The following DNAH1 variants were observed in gnomAD, a reference collection of about 807,000 sequenced individuals.
The protein encoded by DNAH1 is dynein axonemal heavy chain 1.
DNAH1 carries 327 observed loss-of-function variants against 484.3 expected under a neutral mutation model. That is an observed-to-expected ratio of 0.68 (90% CI 0.62 to 0.74). The LOEUF is 0.74. DNAH1 is among the 30% of genes least tolerant of loss of function. DNAH1 has a pLI of 0.00. For synonymous variants in DNAH1, 2,192 were observed against 2,191.9 expected, an observed-to-expected ratio of 1.00 and a Z score of 0.00; for missense variants, 5,052 against 5,546.8, an observed-to-expected ratio of 0.91 and a Z score of 2.83.
intron 6 of DNAH1, 31 bp downstream of exon 6, chr3:52,328,045 T>C (rs746504728): frequency 1.2e-6 from 2 of 1,603,756 alleles, no homozygotes; most frequent in South Asian, 1.1e-5. Flanking sequence ...GTGGGGACAC[T>C]ATCTCATTCC....
chr3:52,371,522 G>A (rs539968513), intron 41 of DNAH1, among the ~76,000 whole-genome samples: 1 of 152,228 alleles, frequency 6.6e-6, no homozygotes, highest in East Asian at 1.9e-4. Context: ...GGACCTAGTG[G>A]CCTCTCAGCT....
rs181301872 is a variant in DNAH1, at chr3:52,321,400, G to A, written c.-34-1009G>A. 7.2e-5 allele frequency among the ~76,000 whole-genome samples: 11 copies of A among 152,320 alleles called. No individual in the cohort carries two copies. In the East Asian group the frequency reaches 9.6e-4, roughly 13 times the overall value. ...CAAAGTGCTGGGATTATAGGAGTGA[G>A]CCACCGCCCCGGCCTCTTTTTTTCT... On this transcript the variant is annotated intron_variant, in intron 1 of 77. Coordinates refer to ENST00000420323, the MANE Select transcript of DNAH1 (RefSeq NM_015512.5).
intron 56 of DNAH1, among the ~76,000 whole-genome samples, 182 bp from the exon 57 acceptor site, chr3:52,387,985 A>G (rs1704182345): frequency 6.6e-6 from 1 of 152,204 alleles, no homozygotes; most frequent in East Asian, 1.9e-4. Flanking sequence ...CCTGGGGACC[A>G]AAGATTACCT....
chr3:52,385,759 T>C (rs767823591), intron 54 of DNAH1, among the ~76,000 whole-genome samples: 5 of 152,220 alleles, frequency 3.3e-5, no homozygotes, highest in Non-Finnish European at 5.9e-5. Context: ...ATGGCAGACC[T>C]TGCAGTTTGT....
In DNAH1 at chr3:52,397,159, GTCTTT is replaced by G; in HGVS notation, c.11787+118_11787+122del. On this transcript the variant is annotated intron_variant, in intron 73 of 77. Coordinates refer to ENST00000420323, the MANE Select transcript of DNAH1 (RefSeq NM_015512.5). The stretch of plus-strand genomic sequence containing the variant: ...ATGCAGCCCCCACCCTCCATCAGCT[GTCTTT>G]TCATCAGTCAATCCATCCCATCCCA... 9 of 1,006,466 alleles carry G rather than the reference GTCTTT, an allele frequency of 8.9e-6. No individual in the cohort carries two copies. The South Asian group carries it at 1.5e-4, about 17-fold the overall frequency. The allele number at this position is 1,006,466 out of a possible 1,614,324, so 62.3% of individuals were successfully genotyped here. A position where few individuals can be genotyped will look rare whatever the true frequency, so the allele number is the denominator to read the frequency against.
rs775268327 is a variant in DNAH1 at position 52,364,613 on chromosome 3, C to T, written c.5245-25C>T. 4 of 1,613,080 alleles carry T rather than the reference C, an allele frequency of 2.5e-6. No individual in the cohort carries two copies. The highest frequency in any genetic ancestry group is 3.4e-6 in the Non-Finnish European group (4 of 1,179,170). ...GCCTTGGAGAGGGACAGTGCTCACC[C>T]ATGCCTCCTTCTGTATGGCGACAGG... On this transcript the variant is annotated intron_variant, in intron 32 of 77. Transcript: ENST00000420323. The surrounding 1 kb of genome is among the most constrained non-coding windows in gnomAD (Gnocchi z 4.2).
chr3:52,397,914 C>A (rs372157391), intron 74 of DNAH1, 37 bp downstream of exon 74: 4 of 1,577,008 alleles, frequency 2.5e-6, no homozygotes, highest in South Asian at 1.2e-5. Context: ...AAGGGCTGGA[C>A]GGGCTGGGCT....
Position 52,388,194 on chromosome 3 carries a change from G to A in DNAH1, c.9031G>A (p.Ala3011Thr). The A allele has an allele frequency of 5.0e-6, 8 of 1,609,728 alleles. No homozygotes were observed. The highest frequency in any genetic ancestry group is 4.2e-6 in the Non-Finnish European group (5 of 1,178,204). ...KDNIGDVVIK[A>T]IQPYIDNEEF... ...CAACATTGGGGATGTGGTGATCAAA[G>A]CCATCCAGCCGTACATCGATAATGA... is the stretch of plus-strand genomic sequence containing the variant. Residue 3011 changes from alanine (A) to threonine (T), a missense_variant, in exon 57 of 78, where the codon GCC becomes ACC. Ala to Thr is a moderately conservative substitution (Grantham distance 58). Transcript: ENST00000420323.
In DNAH1 at chr3:52,365,005, T is replaced by C; in HGVS notation, c.5504T>C (p.Leu1835Pro). Residue 1835 changes from leucine to proline, a missense_variant, in exon 34 of 78, where the codon CTC becomes CCC. Leu to Pro is a moderately conservative substitution (Grantham distance 98). Around this residue, in one of 4 missense-constraint regions of DNAH1, gnomAD observed 2,929 missense variants for 3,409.4 expected, o/e 0.86. Coordinates refer to ENST00000420323, the MANE Select transcript of DNAH1 (RefSeq NM_015512.5). ...AIREACRNSNLKDVEGFLTKC... is the reference protein window; with the variant it reads ...AIREACRNSNPKDVEGFLTKC... ...CGCGAGGCCTGCAGGAACAGCAACC[T>C]CAAGGATGTGGAGGGTGAGCCTCGG... 1 of 1,611,424 alleles carries C rather than the reference T, an allele frequency of 6.2e-7. No individual in the cohort carries two copies. Among genetic ancestry groups the C allele is most frequent in the Non-Finnish European group, 8.5e-7 (1 of 1,178,010 alleles).
Position 52,361,365 on chromosome 3 carries a change from A to G in DNAH1, c.4874+13A>G, listed in dbSNP as rs1277485162. 3 of 1,560,506 alleles carry G rather than the reference A, an allele frequency of 1.9e-6. No homozygotes were observed. The highest frequency in any genetic ancestry group is 3.8e-5 in the Admixed American group (2 of 53,032). On this transcript the variant is annotated intron_variant, in intron 29 of 77. Transcript: ENST00000420323. The surrounding 1 kb of genome is among the most constrained non-coding windows in gnomAD (Gnocchi z 5.6). Reference sequence around the variant, plus strand: ...AGGGCCTGGCCAGGTGAGGCTGGGCATGAGCGTGGCACAGGATGGGGTGGG... The same window carrying G: ...AGGGCCTGGCCAGGTGAGGCTGGGCGTGAGCGTGGCACAGGATGGGGTGGG...
At position 52,396,461 on chromosome 3, in the gene DNAH1, C is replaced by A. The variant is rs1420006973; in HGVS notation, c.11353C>A (p.Pro3785Thr). The change falls in exon 71 of 78, where the codon CCG becomes ACG. Residue 3785 changes from proline (P) to threonine (T), a missense_variant. This residue lies in a region of DNAH1 where 853 missense variants were observed against 899.0 expected (regional missense o/e 0.95). Transcript: ENST00000420323. ...LQNGSKMTIE[P>T]PRGVRANLLK... ...GAACGGCTCCAAGATGACCATTGAG[C>A]CGCCACGCGGTGTCAGGGCCAACCT... 1 of 1,599,230 alleles carries A rather than the reference C, an allele frequency of 6.3e-7. No homozygotes were observed. Among genetic ancestry groups the A allele is most frequent in the Non-Finnish European group, 8.5e-7 (1 of 1,173,204 alleles).
intron 16 of DNAH1, among the ~76,000 whole-genome samples, chr3:52,351,747 G>C (rs889372053): frequency 4.6e-5 from 7 of 152,218 alleles, no homozygotes; most frequent in Non-Finnish European, 8.8e-5. Flanking sequence ...CTCCCAGGGG[G>C]CAGGGCAGCC....
At position 52,364,593 on chromosome 3, in the gene DNAH1, G is replaced by C; in HGVS notation, c.5245-45G>C. 6.2e-7 allele frequency: 1 copy of C among 1,606,722 alleles called. No homozygotes were observed. ...GCAGAGTGTTCCAGGCAGAAGCCTT[G>C]GAGAGGGACAGTGCTCACCCATGCC... On this transcript the variant is annotated intron_variant, in intron 32 of 77. Transcript: ENST00000420323. The surrounding 1 kb of genome is among the most constrained non-coding windows in gnomAD (Gnocchi z 4.2).
At position 52,352,568 on chromosome 3, in the gene DNAH1, TCTC is replaced by T. The variant is rs1012421424; in HGVS notation, c.2890_2892del (p.Ser964del). ...GGCCTGCAGCTGGTAGTAGCTGGCT[TCTC>T]CATCCATGTGGAGATTTCACGTGCA... On this transcript the variant is annotated inframe_deletion, in exon 18 of 78. Coordinates refer to ENST00000420323, the MANE Select transcript of DNAH1 (RefSeq NM_015512.5). The T allele has an allele frequency of 1.9e-6, 3 of 1,609,556 alleles. No homozygotes were observed. The highest frequency in any genetic ancestry group is 2.5e-6 in the Non-Finnish European group (3 of 1,176,988).
chr3:52,376,190 G>A (rs1446645037), intron 46 of DNAH1, among the ~76,000 whole-genome samples, 197 bp downstream of exon 46: 1 of 152,178 alleles, frequency 6.6e-6, no homozygotes, highest in Non-Finnish European at 1.5e-5. Flanking sequence ...CCCATTCTTA[G>A]AGCCCTTCCA....
rs1701243176 is a variant in DNAH1, at chr3:52,323,899, T to TC, written c.406+19_406+20insC. 1 of 1,556,342 alleles carries TC rather than the reference T, an allele frequency of 6.4e-7. No individual in the cohort carries two copies. The highest frequency in any genetic ancestry group is 8.7e-7 in the Non-Finnish European group (1 of 1,147,680). Reference sequence around the variant, plus strand: ...CCAAGAGGTCAGTGCTCAGGAGGGCTGTGTGAGTGGGTCCCGGTAGGTATT... The same window carrying TC: ...CCAAGAGGTCAGTGCTCAGGAGGGCTCGTGTGAGTGGGTCCCGGTAGGTATT... On this transcript the variant is annotated intron_variant, in intron 3 of 77. Coordinates refer to ENST00000420323, the MANE Select transcript of DNAH1 (RefSeq NM_015512.5).
intron 44 of DNAH1, chr3:52,373,735 C>T (rs1056816189): frequency 5.8e-6 from 8 of 1,382,916 alleles, no homozygotes; most frequent in Non-Finnish European, 8.3e-6. Flanking sequence ...GTTTCTGATC[C>T]ACTAAGTGAA....
chr3:52,385,849 T>C (rs546852557), intron 54 of DNAH1, among the ~76,000 whole-genome samples: 1 of 151,464 alleles, frequency 6.6e-6, no homozygotes, highest in African/African-American at 2.4e-5. Context: ...AACTTCCCAG[T>C]AGATAGAAAG....
chr3:52,392,973 T>C lies in DNAH1; in HGVS notation c.10422T>C (p.Leu3474=), dbSNP rs148913561. The C allele has an allele frequency of 5.6e-3, 9,027 of 1,613,646 alleles. 69 individuals carry two copies. Among genetic ancestry groups the C allele is most frequent in the South Asian group, 0.023 (2,118 of 91,054 alleles). Residue 3474 remains leucine, a synonymous_variant, in exon 65 of 78, where the codon CTT becomes CTC. Coordinates refer to ENST00000420323, the MANE Select transcript of DNAH1 (RefSeq NM_015512.5). ...ANVDPMYQYS[L]EWFLNIFLSG... ...TGGACCCCATGTACCAGTACTCCCT[T>C]GAGTGGTTTCTCAACATCTTCCTCT... is the stretch of plus-strand genomic sequence containing the variant.
Sources: allele counts gnomAD v4.1 joint callset (sites outside exome capture counted in the v4.1 genomes callset), GRCh38; gene constraint gnomAD v4.1.1; regional missense constraint gnomAD v4.1.1; non-coding constraint Gnocchi (gnomAD v3.1); transcripts MANE v1.5; gene names NCBI Gene and HGNC (gene_info 2026-07-23, HGNC 2026-07-21).